The following ZNF846 variants were observed in gnomAD, a reference collection of about 807,000 sequenced individuals.
The protein encoded by ZNF846 is zinc finger protein 846, also known as zinc finger protein 420 pseudogene.
ZNF846 carries 15 observed loss-of-function variants against 16.0 expected under a neutral mutation model. That is an observed-to-expected ratio of 0.94 (90% confidence interval 0.63 to 1.45). The LOEUF (loss-of-function observed/expected upper bound fraction) is 1.45. Ranked by LOEUF, ZNF846 falls within the 40% of genes most tolerant of loss-of-function variation. The probability of loss-of-function intolerance (pLI) is 0.00; values close to 1 mark genes in which losing one functional copy is unlikely to be tolerated. For missense variants in ZNF846, 714 were observed against 622.3 expected, an observed-to-expected ratio of 1.15 and a Z score of -1.57; for synonymous variants, 229 against 212.0, an observed-to-expected ratio of 1.08 and a Z score of -0.70.
intron 1 of ZNF846, among the ~76,000 whole-genome samples, chr19:9,778,022 C>G (rs2045464725): frequency 6.6e-6 from 1 of 152,004 alleles, no homozygotes; most frequent in South Asian, 2.1e-4. Flanking sequence ...CAGTTTTTAA[C>G]AAAAATCTCA....
chr19:9,780,353 G>A (rs1177289107), intron 1 of ZNF846, among the ~76,000 whole-genome samples: 2 of 151,868 alleles, frequency 1.3e-5, no homozygotes, highest in Non-Finnish European at 2.9e-5. Flanking sequence ...ACAGGCATGT[G>A]CCACCACACC....
intron 1 of ZNF846, among the ~76,000 whole-genome samples, chr19:9,778,633 T>C (rs757141541): frequency 2.6e-5 from 4 of 152,016 alleles, no homozygotes; most frequent in Non-Finnish European, 5.9e-5. Context: ...GGTGAAACCC[T>C]GTTTCTACTA....
At chr19:9,757,425 A>AT (rs757218764), downstream of ZNF846, 16 of 1,447,252 alleles carry the variant, frequency 1.1e-5, no homozygotes, top group Middle Eastern at 2.1e-4. Flanking sequence ...CCTTCCTATG[A>AT]TTTTTTTCCA....
downstream of ZNF846, chr19:9,756,345 G>GTGTGTGTGTGTATA (rs1321690890): frequency 1.2e-5 from 1 of 81,776 alleles, no homozygotes; most frequent in African/African-American, 6.1e-5. Flanking sequence ...GTGTGTGTGT[G>GTGTGTGTGTGTATA]TATATATATA....
At chr19:9,757,862 A>C (rs1452029339) in exon 6 of ZNF846, 1 of 1,611,482 alleles carries the variant, frequency 6.2e-7, no homozygotes, top group Admixed American at 1.7e-5. Context: ...GCATTGAGGA[A>C]TTATTAAAGG....
At chr19:9,758,034 A>C in exon 6 of ZNF846, 1 of 1,612,634 alleles carries the variant, frequency 6.2e-7, no homozygotes, top group Non-Finnish European at 8.5e-7. Flanking sequence ...TGAGGAATGA[A>C]TAAAAGCTTT....
chr19:9,780,874 C>T (rs928202704), intron 1 of ZNF846, among the ~76,000 whole-genome samples: 6 of 152,204 alleles, frequency 3.9e-5, no homozygotes, highest in African/African-American at 9.7e-5. Context: ...AGTGGCTGCA[C>T]ATTAGATTCA....
rs56126532 is a variant in ZNF846 at position 9,761,710 on chromosome 19, C to CAA, written c.229+370_229+371dup. The stretch of plus-strand genomic sequence containing the variant: ...AGGGCGACAGTGCAAGACTCCATCT[C>CAA]AAAAAAAAAAAAAACCTGTATTACT... On this transcript the variant is annotated intron_variant, in intron 4 of 5. Coordinates refer to ENST00000397902, the Ensembl canonical transcript of ZNF846. 1.8e-3 allele frequency among the ~76,000 whole-genome samples: 203 copies of CAA among 110,310 alleles called. 1 individual carries two copies. The highest frequency in any genetic ancestry group is 6.5e-3 in the African/African-American group (196 of 30,284). The allele number at this position is 110,310 out of a possible 152,430, so 72.4% of individuals were successfully genotyped here.
chr19:9,758,160 C>CTTG, exon 6 of ZNF846: 1 of 1,613,308 alleles, frequency 6.2e-7, no homozygotes, highest in East Asian at 2.2e-5. Flanking sequence ...GGGCTTCTTT[C>CTTG]CACTGTGGAT....
chr19:9,783,218 C>CTTTTTT lies in ZNF846; in HGVS notation c.-86+2714_-86+2719dup, dbSNP rs74183307. Among the ~76,000 whole-genome samples the CTTTTTT allele has an allele frequency of 2.1e-4, 14 of 65,406 alleles. 1 individual carries two copies. The highest frequency in any genetic ancestry group is 3.2e-4 in the Non-Finnish European group (11 of 34,376). 42.9% of individuals were successfully genotyped at this position (65,406 alleles called of 152,430 possible). On this transcript the variant is annotated intron_variant, in intron 1 of 4. Transcript: ENST00000586814. ...AGTACCTGGACTTCTCCCTATAATT[C>CTTTTTT]TTTTTTTTTTTTTTTTTTTTTTTTT...
chr19:9,771,750 CAT>C (rs200450691), upstream of ZNF846, among the ~76,000 whole-genome samples: 1,371 of 151,756 alleles, frequency 9.0e-3, 13 homozygotes, highest in African/African-American at 0.032. Flanking sequence ...GGGCTGTAAA[CAT>C]GTGTGTGCAA....
chr19:9,767,806 T>C (rs2145264733), intron 1 of ZNF846, among the ~76,000 whole-genome samples: 1 of 152,184 alleles, frequency 6.6e-6, no homozygotes, highest in Non-Finnish European at 1.5e-5. Flanking sequence ...TGGTGGCACA[T>C]GCCTGTAATC....
rs1010818671 is a variant in ZNF846, at chr19:9,785,399, T to A, written c.-86+539A>T. 1.6e-4 allele frequency among the ~76,000 whole-genome samples: 24 copies of A among 152,066 alleles called. No homozygotes were observed. In the South Asian group the frequency reaches 4.6e-3, roughly 29 times the overall value. On this transcript the variant is annotated intron_variant, in intron 1 of 4. Transcript: ENST00000586814. ...TTTTAGTAGAGATGGGGTTTCACCA[T>A]GTTGGCCAGTATGGTCTTAATCGAT...
chr19:9,750,453 C>T (rs531281246), downstream of ZNF846, among the ~76,000 whole-genome samples: 2 of 152,232 alleles, frequency 1.3e-5, no homozygotes, highest in Admixed American at 6.5e-5. Flanking sequence ...GGGTGCAGGA[C>T]CCCTCTTTCA....
chr19:9,761,985 T>C, intron 4 of ZNF846, 97 bp downstream of exon 4: 1 of 954,978 alleles, frequency 1.0e-6, no homozygotes, highest in Non-Finnish European at 1.6e-6. Flanking sequence ...AAGAAGAGTA[T>C]ACCCTGAGAA....
chr19:9,763,448 T>G, intron 2 of ZNF846, 40 bp from the exon 3 acceptor site: 1 of 1,549,630 alleles, frequency 6.5e-7, no homozygotes, highest in Non-Finnish European at 8.7e-7. Flanking sequence ...CTAAGTACCA[T>G]CTCCTTTGAT....
At chr19:9,781,076 CAT>C (rs1256724489) in intron 1 of ZNF846, among the ~76,000 whole-genome samples, 1 of 152,180 alleles carries the variant, frequency 6.6e-6, no homozygotes, top group African/African-American at 2.4e-5. Flanking sequence ...TAGTCCTACA[CAT>C]CTTTCAGAAC....
downstream of ZNF846, chr19:9,757,438 T>C: frequency 6.7e-7 from 1 of 1,481,682 alleles, no homozygotes; most frequent in South Asian, 1.4e-5. Flanking sequence ...TTTTTCCAGA[T>C]GAGTTTAGAT....
chr19:9,757,427 T>G (rs1337256536), downstream of ZNF846: 1 of 1,459,536 alleles, frequency 6.9e-7, no homozygotes, highest in East Asian at 2.3e-5. Context: ...TTCCTATGAT[T>G]TTTTTCCAGA....
Sources: allele counts gnomAD v4.1 joint callset (sites outside exome capture counted in the v4.1 genomes callset), GRCh38; gene constraint gnomAD v4.1.1; transcripts MANE v1.5; gene names NCBI Gene and HGNC (gene_info 2026-07-23, HGNC 2026-07-21).